CYREN: variants seen among roughly 807,000 people sequenced by gnomAD.
CYREN encodes the protein cell cycle regulator of non-homologous end joining.
CYREN carries 7 observed loss-of-function variants against 9.7 expected under a neutral mutation model. That is an observed-to-expected ratio of 0.72 (90% CI 0.41 to 1.36). The LOEUF is 1.36. Ranked by LOEUF, CYREN falls within the 40% of genes most tolerant of loss-of-function variation. CYREN has a pLI of 0.01. For synonymous variants in CYREN, 76 were observed against 77.9 expected (o/e 0.98, Z 0.13); for missense variants, 215 against 198.1 (o/e 1.09, Z -0.51).
rs1197066036 is a variant in CYREN at position 135,169,044 on chromosome 7, G to A, written c.-122C>T. On this transcript the variant is annotated 5_prime_UTR_variant, in exon 2 of 4. Coordinates refer to ENST00000393114, the MANE Select transcript of CYREN (RefSeq NM_024033.4). ...TTACAGGTCCATTTGTCCTCAGTGG[G>A]AGTTGATCTTTGATTCCTACAAAGA... The A allele has an allele frequency of 1.1e-6, 1 of 929,198 alleles. No individual in the cohort carries two copies. The highest frequency in any genetic ancestry group is 1.7e-5 in the African/African-American group (1 of 59,334). 57.6% of individuals were successfully genotyped at this position (929,198 alleles called of 1,614,324 possible).
chr7:135,157,522 G>A (rs556358591), intron 2 of CYREN, among the ~76,000 whole-genome samples: 1 of 152,248 alleles, frequency 6.6e-6, no homozygotes, highest in South Asian at 2.1e-4. Context: ...TGGTTAGTGG[G>A]TCTTGGAGGG....
intron 2 of CYREN, among the ~76,000 whole-genome samples, chr7:135,118,623 T>C (rs986132977): frequency 6.6e-6 from 1 of 152,116 alleles, no homozygotes; most frequent in Non-Finnish European, 1.5e-5. Context: ...TAATCAGAAA[T>C]AAATTCTTGT....
chr7:135,167,344 G>A (rs1830236973), intron 3 of CYREN: 2 of 1,087,304 alleles, frequency 1.8e-6, no homozygotes, highest in Non-Finnish European at 2.2e-6. Context: ...AGGAAGCTAG[G>A]AAGCTCAGCA....
chr7:135,128,906 T>C, intron 2 of CYREN: 1 of 1,465,736 alleles, frequency 6.8e-7, no homozygotes, highest in Non-Finnish European at 9.6e-7. Context: ...TAAAATGCTT[T>C]AATAGTAATT....
intron 2 of CYREN, among the ~76,000 whole-genome samples, chr7:135,157,752 A>T (rs1456265174): frequency 6.6e-6 from 1 of 152,210 alleles, no homozygotes; most frequent in East Asian, 1.9e-4. Context: ...AGCCACCTGT[A>T]GCAGGGTGGT....
chr7:135,094,580 G>C (rs1822367393), exon 3 of CYREN: 1 of 455,640 alleles, frequency 2.2e-6, no homozygotes, highest in Non-Finnish European at 4.4e-6. Flanking sequence ...CCTCTTAGTT[G>C]CTCTGGAAAG....
chr7:135,121,524 C>A (rs1272380831), intron 2 of CYREN, among the ~76,000 whole-genome samples: 1 of 147,914 alleles, frequency 6.8e-6, no homozygotes, highest in Non-Finnish European at 1.5e-5. Context: ...TGGAATCCAA[C>A]TAGAAATCAA....
chr7:135,105,093 G>A lies in CYREN; in HGVS notation n.357-10511C>T, dbSNP rs536379482. On this transcript the variant is annotated intron_variant and non_coding_transcript_variant, in intron 2 of 2. Coordinates refer to the CYREN transcript ENST00000459937. ...AAGTTTTTTTTTTTTTTTTTGAGAT[G>A]GAGTCTTGCTCTTTCACCCAGGCTG... 1.4e-3 allele frequency among the ~76,000 whole-genome samples: 148 copies of A among 103,332 alleles called. 1 individual carries two copies. Among genetic ancestry groups the A allele is most frequent in the South Asian group, 3.3e-3 (10 of 3,054 alleles). 67.8% of individuals were successfully genotyped at this position (103,332 alleles called of 152,430 possible).
intron 2 of CYREN, among the ~76,000 whole-genome samples, chr7:135,157,662 C>T (rs934122202): frequency 2.6e-5 from 4 of 152,204 alleles, no homozygotes; most frequent in African/African-American, 9.7e-5. Flanking sequence ...ACTGTTGAAG[C>T]AGCCAACTGG....
intron 2 of CYREN, among the ~76,000 whole-genome samples, chr7:135,112,239 T>G (rs1825746155): frequency 6.6e-6 from 1 of 152,230 alleles, no homozygotes; most frequent in Admixed American, 6.5e-5. Flanking sequence ...TGTTTCACTT[T>G]TCTTCAACCT....
exon 3 of CYREN, chr7:135,094,088 A>G (rs1372194185): frequency 7.1e-6 from 2 of 280,542 alleles, no homozygotes; most frequent in African/African-American, 4.5e-5. Flanking sequence ...ACCATACACT[A>G]AAAATAATAA....
chr7:135,129,760 C>A, intron 2 of CYREN: 1 of 666,712 alleles, frequency 1.5e-6, no homozygotes, highest in South Asian at 1.6e-5. Context: ...CACAAAGTAA[C>A]CCTGCAGGAT....
chr7:135,100,974 T>C (rs1180379487), intron 2 of CYREN, among the ~76,000 whole-genome samples: 1 of 152,228 alleles, frequency 6.6e-6, no homozygotes, highest in Non-Finnish European at 1.5e-5. Context: ...TTAAAAGACT[T>C]TGCATACCCT....
At chr7:135,171,269 AAGAG>A (rs917725919), upstream of CYREN, among the ~76,000 whole-genome samples, 2 of 152,154 alleles carry the variant, frequency 1.3e-5, no homozygotes, top group Admixed American at 6.5e-5. Flanking sequence ...AAAGCGAGGG[AAGAG>A]AGAGACCCTC....
At chr7:135,168,761 A>C in intron 2 of CYREN, 25 bp downstream of exon 2, 1 of 1,608,928 alleles carries the variant, frequency 6.2e-7, no homozygotes, top group Non-Finnish European at 8.5e-7. Context: ...GATTCGCAGG[A>C]GTCTTCTGAC....
At chr7:135,147,974 T>C (rs1007017634) in intron 2 of CYREN, 1 of 455,222 alleles carries the variant, frequency 2.2e-6, no homozygotes, top group Admixed American at 2.4e-5. Flanking sequence ...GTTGTTTACA[T>C]ACCTCATTTC....
intron 2 of CYREN, among the ~76,000 whole-genome samples, chr7:135,100,742 CT>C (rs947666702): frequency 1.3e-5 from 2 of 152,012 alleles, no homozygotes; most frequent in African/African-American, 4.8e-5. Context: ...TTTATCATGT[CT>C]TATGGAAAGA....
At chr7:135,095,170 G>A (rs1822474382) in intron 2 of CYREN, among the ~76,000 whole-genome samples, 1 of 152,146 alleles carries the variant, frequency 6.6e-6, no homozygotes, top group Admixed American at 6.5e-5. Flanking sequence ...TAGTCTTCCT[G>A]TCTCACTGGA....
At chr7:135,093,794 C>A (rs982066528) in exon 3 of CYREN, 2 of 152,050 alleles carry the variant, frequency 1.3e-5, no homozygotes, top group African/African-American at 2.4e-5. Context: ...CCCAGAATAA[C>A]CAAAGCAATT....
Sources: gnomAD v4.1 joint callset for allele counts (sites outside exome capture counted in the v4.1 genomes callset) on GRCh38, gnomAD v4.1.1 for gene constraint, MANE v1.5 for transcripts, NCBI Gene and HGNC (gene_info 2026-07-23, HGNC 2026-07-21) for gene names.